KAZN: variants seen among roughly 807,000 people sequenced by gnomAD.
KAZN encodes the protein kazrin.
KAZN carries 40 observed loss-of-function variants against 87.4 expected under a neutral mutation model. The ratio of observed to expected loss-of-function variants is 0.46; its 90% confidence interval spans 0.36 to 0.60. The LOEUF (loss-of-function observed/expected upper bound fraction) is 0.60, where lower values mean the gene tolerates loss of function less well. Among genes scored for constraint, KAZN ranks in the 20% least tolerant of loss-of-function variants. KAZN has a pLI of 0.00. For synonymous variants in KAZN, 466 were observed against 458.3 expected (o/e 1.02, Z -0.22); for missense variants, 898 against 1,073.9 (o/e 0.84, Z 2.29).
chr1:14,448,737 C>T (rs1039341711), intron 2 of KAZN, among the ~76,000 whole-genome samples: 2 of 152,166 alleles, frequency 1.3e-5, no homozygotes, highest in African/African-American at 2.4e-5. Flanking sequence ...CGGAGTTGGG[C>T]GAGGGCAGGC....
At chr1:15,082,194 G>A (rs1640036463) in intron 8 of KAZN, among the ~76,000 whole-genome samples, 1 of 152,124 alleles carries the variant, frequency 6.6e-6, no homozygotes, top group Non-Finnish European at 1.5e-5. Flanking sequence ...GAGACCCTAT[G>A]GGGCAGCAAC....
At chr1:14,662,991 G>T (rs750793123) in intron 1 of KAZN, among the ~76,000 whole-genome samples, 11 of 144,544 alleles carry the variant, frequency 7.6e-5, no homozygotes, top group East Asian at 6.0e-4. Context: ...ATTTTAGAGA[G>T]GGGGGATCTC....
intron 1 of KAZN, among the ~76,000 whole-genome samples, chr1:14,671,615 T>C (rs1344057175): frequency 1.3e-5 from 2 of 151,936 alleles, no homozygotes; most frequent in African/African-American, 4.8e-5. Context: ...CAGTAGAATT[T>C]CCCCCCGTGG....
chr1:14,280,988 A>G (rs950188347), intron 2 of KAZN, among the ~76,000 whole-genome samples: 4 of 152,248 alleles, frequency 2.6e-5, no homozygotes, highest in African/African-American at 7.2e-5. Context: ...CAGCAAGTCT[A>G]CAGTCTGTTG....
chr1:14,609,009 G>A (rs1677598159), intron 1 of KAZN, among the ~76,000 whole-genome samples: 1 of 152,144 alleles, frequency 6.6e-6, no homozygotes, highest in South Asian at 2.1e-4. Flanking sequence ...TGGCAAGGTA[G>A]GAGAGTTAGA....
chr1:14,825,473 G>T (rs1339571443), intron 1 of KAZN, among the ~76,000 whole-genome samples: 1 of 151,982 alleles, frequency 6.6e-6, no homozygotes, highest in Non-Finnish European at 1.5e-5. Flanking sequence ...TAACGATGTT[G>T]TATGTAAAAG....
intron 1 of KAZN, among the ~76,000 whole-genome samples, chr1:13,938,027 T>C (rs565600728): frequency 1.3e-5 from 2 of 152,358 alleles, no homozygotes; most frequent in East Asian, 3.8e-4. Context: ...TTTGGTTCCA[T>C]GTGAATTTCA....
chr1:14,285,846 A>G (rs1357736169), intron 2 of KAZN, among the ~76,000 whole-genome samples: 1 of 152,178 alleles, frequency 6.6e-6, no homozygotes, highest in Non-Finnish European at 1.5e-5. Context: ...GTGGTGTGGG[A>G]GATCATCCAA....
At position 14,698,631 on chromosome 1, in the gene KAZN, T is replaced by C. The variant is rs138826308; in HGVS notation, c.226+99408T>C. ...TTTGTAGCTAGGAGACCCTCATTGG[T>C]GAAAGCACTTAGCATGAGCTGTCTC... On this transcript the variant is annotated intron_variant, in intron 1 of 14. Transcript: ENST00000376030. Among the ~76,000 whole-genome samples the C allele has an allele frequency of 5.5e-3, 831 of 152,348 alleles. 13 individuals are homozygous for C. Among genetic ancestry groups the C allele is most frequent in the Non-Finnish European group, 8.1e-3 (553 of 68,030 alleles).
At chr1:13,910,989 G>A (rs138133612) in intron 1 of KAZN, among the ~76,000 whole-genome samples, 2 of 152,196 alleles carry the variant, frequency 1.3e-5, no homozygotes, top group East Asian at 3.9e-4. Flanking sequence ...GGAAGGAGGT[G>A]CATGACATGG....
intron 1 of KAZN, among the ~76,000 whole-genome samples, chr1:14,946,725 G>C (rs1283780720): frequency 6.6e-6 from 1 of 152,150 alleles, no homozygotes; most frequent in Non-Finnish European, 1.5e-5. Context: ...TACATCTGCA[G>C]GGACTGTCAG....
chr1:14,930,508 C>G (rs1301176702), intron 1 of KAZN, among the ~76,000 whole-genome samples: 2 of 152,152 alleles, frequency 1.3e-5, no homozygotes, highest in African/African-American at 4.8e-5. Context: ...AGTCGGGTCC[C>G]ATTAGTGTGG....
chr1:14,085,659 G>A (rs909161643), intron 1 of KAZN, among the ~76,000 whole-genome samples: 1 of 152,128 alleles, frequency 6.6e-6, no homozygotes, highest in Non-Finnish European at 1.5e-5. Context: ...ACGATTCACA[G>A]GTGATGGACA....
chr1:14,478,543 C>A (rs550060976), intron 2 of KAZN, among the ~76,000 whole-genome samples: 24 of 152,288 alleles, frequency 1.6e-4, no homozygotes, highest in African/African-American at 5.3e-4. Context: ...CTCAACATGT[C>A]CAAAACTAAG....
intron 2 of KAZN, among the ~76,000 whole-genome samples, chr1:14,409,332 C>A (rs999750099): frequency 6.6e-6 from 1 of 152,098 alleles, no homozygotes. Context: ...ATGAGTGTAT[C>A]CACATGAAGC....
At chr1:14,049,127 A>T (rs61777724) in intron 1 of KAZN, among the ~76,000 whole-genome samples, 6,789 of 152,264 alleles carry the variant, frequency 0.045, 223 homozygotes, top group Non-Finnish European at 0.066. Flanking sequence ...ATGGAATACT[A>T]TGCAGCCATA....
chr1:14,282,281 C>T (rs554776526), intron 2 of KAZN, among the ~76,000 whole-genome samples: 2 of 152,272 alleles, frequency 1.3e-5, no homozygotes, highest in South Asian at 4.1e-4. Flanking sequence ...GAACAGCTTA[C>T]AATAATCCAC....
chr1:15,108,810 T>C (rs1462368036), intron 13 of KAZN, among the ~76,000 whole-genome samples: 1 of 152,260 alleles, frequency 6.6e-6, no homozygotes, highest in East Asian at 1.9e-4. Flanking sequence ...TAACGTTCCC[T>C]CATCAAAAGT....
rs1479644523 is a variant in KAZN, at chr1:13,981,105, A to ATATATATATATATATATATATATATG, written c.91+87354_91+87355insATATATATATATATATATATGTATAT. Among the ~76,000 whole-genome samples, 115 of 133,426 alleles carry ATATATATATATATATATATATATATG rather than the reference A, an allele frequency of 8.6e-4. 1 individual carries two copies. The highest frequency in any genetic ancestry group is 3.1e-3 in the African/African-American group (110 of 35,684). The allele number at this position is 133,426 out of a possible 152,430, so 87.5% of individuals were successfully genotyped here. On this transcript the variant is annotated intron_variant, in intron 1 of 16. Coordinates refer to the KAZN transcript ENST00000636203. ...AATTACTCTTTATATATATATATAT[A>ATATATATATATATATATATATATATG]TATATGTATATATAAACACAGATTA...
Sources: gnomAD v4.1 joint callset for allele counts (sites outside exome capture counted in the v4.1 genomes callset) on GRCh38, gnomAD v4.1.1 for gene constraint, MANE v1.5 for transcripts, NCBI Gene and HGNC (gene_info 2026-07-23, HGNC 2026-07-21) for gene names.